The following SLC6A6 variants were observed in gnomAD, a reference collection of about 807,000 sequenced individuals.
SLC6A6 encodes sodium- and chloride-dependent taurine transporter.
In SLC6A6, 16 loss-of-function variants were observed where a neutral mutation model predicts 68.8. The ratio of observed to expected loss-of-function variants is 0.23; its 90% CI spans 0.16 to 0.35. The LOEUF (loss-of-function observed/expected upper bound fraction) is 0.35, where lower values mean the gene tolerates loss of function less well. Among genes scored for constraint, SLC6A6 ranks in the 10% least tolerant of loss-of-function variants. SLC6A6 has a pLI of 1.00. For synonymous variants in SLC6A6, 312 were observed against 315.4 expected (o/e 0.99, Z 0.12); for missense variants, 474 against 802.8 (o/e 0.59, Z 4.95).
intron 12 of SLC6A6, 72 bp from the exon 13 acceptor site, chr3:14,479,013 C>G (rs2124996598): frequency 2.2e-6 from 2 of 921,980 alleles, no homozygotes; most frequent in East Asian, 4.8e-5. Context: ...CCCAGAGACC[C>G]CACTCATGGC....
At chr3:14,479,048 C>G in intron 12 of SLC6A6, 37 bp from the exon 13 acceptor site, 5 of 1,401,412 alleles carry the variant, frequency 3.6e-6, no homozygotes, top group Non-Finnish European at 5.1e-6. Context: ...TGGCCTTGAA[C>G]GCTGTGTCAG....
chr3:14,415,085 TTGA>T (rs2124903473), intron 1 of SLC6A6, among the ~76,000 whole-genome samples: 2 of 152,330 alleles, frequency 1.3e-5, no homozygotes, highest in South Asian at 4.1e-4. Context: ...GAATGAAGCC[TTGA>T]TGGCCTCTCA....
chr3:14,419,607 G>T (rs1156472717), intron 2 of SLC6A6, among the ~76,000 whole-genome samples: 1 of 152,160 alleles, frequency 6.6e-6, no homozygotes, highest in East Asian at 1.9e-4. Flanking sequence ...TGAGCCTCAG[G>T]TAACCCACCC....
intron 9 of SLC6A6, among the ~76,000 whole-genome samples, chr3:14,471,950 C>T (rs1416012505): frequency 6.6e-6 from 1 of 152,138 alleles, no homozygotes; most frequent in Non-Finnish European, 1.5e-5. Context: ...AATAACCACG[C>T]CCCGATGGAT....
Position 14,413,040 on chromosome 3 carries a change from T to C in SLC6A6, c.-53-3372T>C, listed in dbSNP as rs1317651437. ...GGCTTTTCAAGGCAGCCAAGTCGGA[T>C]GTAAATCAGGGGAGAGCCCAGGGCT... On this transcript the variant is annotated intron_variant, in intron 1 of 14. Transcript: ENST00000622186. 4.6e-5 allele frequency among the ~76,000 whole-genome samples: 7 copies of C among 152,316 alleles called. No homozygotes were observed. In the East Asian group the frequency reaches 1.4e-3, roughly 29 times the overall value.
intron 2 of SLC6A6, among the ~76,000 whole-genome samples, chr3:14,440,981 G>C (rs1475035236): frequency 2.0e-5 from 3 of 152,228 alleles, no homozygotes; most frequent in African/African-American, 7.2e-5. Context: ...ATGGGGTCCT[G>C]AGTGTGGAAG....
At chr3:14,474,136 G>A (rs1559312882) in intron 10 of SLC6A6, among the ~76,000 whole-genome samples, 2 of 152,210 alleles carry the variant, frequency 1.3e-5, no homozygotes, top group Non-Finnish European at 2.9e-5. Context: ...CTAAGTCACT[G>A]GTCTCCCAGG....
chr3:14,457,484 A>G (rs1700395175), intron 5 of SLC6A6, among the ~76,000 whole-genome samples: 2 of 152,344 alleles, frequency 1.3e-5, no homozygotes, highest in Middle Eastern at 3.4e-3. Context: ...ATAAGGGACA[A>G]TATTGGGGGA....
intron 1 of SLC6A6, among the ~76,000 whole-genome samples, chr3:14,406,241 G>A (rs980695784): frequency 2.0e-5 from 3 of 152,132 alleles, no homozygotes; most frequent in Non-Finnish European, 4.4e-5. Context: ...TCAAGCTCCT[G>A]GGCTCAGGCA....
In SLC6A6 at chr3:14,468,216, C is replaced by T. The variant is rs1700664341; in HGVS notation, c.1096+4C>T. The stretch of plus-strand genomic sequence containing the variant: ...ATTGCTGATGTGGCTGAGTCAGGTA[C>T]GGTGGTATCGGTGGCAGTGGTGGTG... On this transcript the variant is annotated splice_donor_region_variant and intron_variant, in intron 9 of 14. Coordinates refer to ENST00000622186, the MANE Select transcript of SLC6A6 (RefSeq NM_003043.6). This position sits in a 1 kb window ranked among gnomAD's most constrained non-coding sequence, Gnocchi z 4.5. 13 of 1,610,942 alleles carry T rather than the reference C, an allele frequency of 8.1e-6. No homozygotes were observed. The highest frequency in any genetic ancestry group is 3.3e-5 in the South Asian group (3 of 90,958).
rs1182012855 is a variant in SLC6A6 at position 14,481,818 on chromosome 3, C to A, written c.1699C>A (p.Gln567Lys). The A allele has an allele frequency of 6.2e-7, 1 of 1,614,112 alleles. No individual in the cohort carries two copies. Among genetic ancestry groups the A allele is most frequent in the Non-Finnish European group, 8.5e-7 (1 of 1,179,984 alleles). The part of the protein sequence containing the change: ...VPLVIVIRLC[Q>K]TEGPFLVRVK... ...CTTGGTCATCGTCATCCGCCTCTGCCAGACTGAGGGGCCGTTCCTTGTGGT... is the reference window on the plus strand; with the variant it reads ...CTTGGTCATCGTCATCCGCCTCTGCAAGACTGAGGGGCCGTTCCTTGTGGT... The change falls in exon 14 of 15, where the codon CAG becomes AAG. Residue 567 changes from glutamine (Q) to lysine (K), a missense_variant. By Grantham distance (53) the Gln-to-Lys change is moderately conservative (BLOSUM62 1). Around this residue, in one of 2 missense-constraint regions of SLC6A6, gnomAD observed 194 missense variants for 269.8 expected, o/e 0.72. Coordinates refer to ENST00000622186, the MANE Select transcript of SLC6A6 (RefSeq NM_003043.6). The surrounding 1 kb of genome is among the most constrained non-coding windows in gnomAD (Gnocchi z 4.7).
chr3:14,420,715 C>T (rs1424500512), intron 2 of SLC6A6, among the ~76,000 whole-genome samples: 1 of 152,136 alleles, frequency 6.6e-6, no homozygotes, highest in Non-Finnish European at 1.5e-5. Context: ...AACTTCTGGG[C>T]TCAAGTGATC....
intron 2 of SLC6A6, among the ~76,000 whole-genome samples, chr3:14,434,106 T>TCCCCCAGTTCTTTG (rs773239781): frequency 6.6e-6 from 1 of 152,178 alleles, no homozygotes; most frequent in South Asian, 2.1e-4. Context: ...AGAACAGTGT[T>TCCCCCAGTTCTTTG]CCCCCAGTTC....
chr3:14,425,724 G>A (rs1436684239), intron 2 of SLC6A6, among the ~76,000 whole-genome samples: 1 of 151,900 alleles, frequency 6.6e-6, no homozygotes, highest in East Asian at 1.9e-4. Flanking sequence ...GGCAGGGAGG[G>A]TGGAAGGCAA....
rs894127539 is a variant in SLC6A6 at position 14,443,683 on chromosome 3, A to C, written c.49A>C (p.Ile17Leu). 1 of 1,614,098 alleles carries C rather than the reference A, an allele frequency of 6.2e-7. No homozygotes were observed. The highest frequency in any genetic ancestry group is 1.7e-5 in the Admixed American group (1 of 60,010). Residue 17 changes from isoleucine (I) to leucine (L), a missense_variant, in exon 3 of 15, where the codon ATC (isoleucine) becomes CTC (leucine). This residue lies in a region of SLC6A6 where 280 missense variants were observed against 533.1 expected (regional missense o/e 0.53). Coordinates refer to ENST00000622186, the MANE Select transcript of SLC6A6 (RefSeq NM_003043.6). The stretch of plus-strand genomic sequence containing the variant: ...GTGTCTGAAAGATTTCCACAAGGAC[A>C]TCCTGAAGCCCTCACCAGGGAAGAG... ...LQCLKDFHKD[I>L]LKPSPGKSPG...
chr3:14,466,266 A>T (rs62906160), intron 6 of SLC6A6, among the ~76,000 whole-genome samples: 6 of 71,164 alleles, frequency 8.4e-5, no homozygotes, highest in African/African-American at 1.2e-4. Context: ...TCTCAAATTT[A>T]AAAAAAAAAA....
rs1440880598 is a variant in SLC6A6, at chr3:14,481,373, G to A, written c.1552-298G>A. Among the ~76,000 whole-genome samples the A allele has an allele frequency of 6.6e-6, 1 of 152,130 alleles. No homozygotes were observed. The highest frequency in any genetic ancestry group is 2.4e-5 in the African/African-American group (1 of 41,422). ...AGTGTGGACACGGAGGGAGAGTTGA[G>A]GCAGATGAGGGAGGAAGGGGTACAG... On this transcript the variant is annotated intron_variant, in intron 13 of 14. Coordinates refer to ENST00000622186, the MANE Select transcript of SLC6A6 (RefSeq NM_003043.6). This position sits in a 1 kb window ranked among gnomAD's most constrained non-coding sequence, Gnocchi z 4.7.
In SLC6A6 at chr3:14,458,100, C is replaced by T. The variant is rs1700411686; in HGVS notation, c.732+18C>T. 2 of 1,611,318 alleles carry T rather than the reference C, an allele frequency of 1.2e-6. No homozygotes were observed. The highest frequency in any genetic ancestry group is 2.2e-5 in the East Asian group (1 of 44,870). On this transcript the variant is annotated intron_variant, in intron 6 of 14. Transcript: ENST00000622186. ...CTGGGAAGGTAAGTTGGACTTCTGT[C>T]CGTCCCCTGCCTCCTGGAGAGCTGT... is the stretch of plus-strand genomic sequence containing the variant.
At chr3:14,425,313 C>T (rs1460532024) in intron 2 of SLC6A6, among the ~76,000 whole-genome samples, 1 of 152,136 alleles carries the variant, frequency 6.6e-6, no homozygotes. Flanking sequence ...GCAGCATAGG[C>T]AAAGGGTGGA....
Sources: allele counts gnomAD v4.1 joint callset (sites outside exome capture counted in the v4.1 genomes callset), GRCh38; gene constraint gnomAD v4.1.1; regional missense constraint gnomAD v4.1.1; non-coding constraint Gnocchi (gnomAD v3.1); transcripts MANE v1.5; gene names NCBI Gene and HGNC (gene_info 2026-07-23, HGNC 2026-07-21).